PPM1E: variants seen among roughly 807,000 people sequenced by gnomAD.
PPM1E encodes the protein protein phosphatase, Mg2+/Mn2+ dependent 1E.
In PPM1E, 20 loss-of-function variants were observed where a neutral mutation model predicts 65.9. The observed-to-expected ratio is 0.30, with a 90% CI of 0.21 to 0.44. The LOEUF (loss-of-function observed/expected upper bound fraction) is 0.44, where lower values mean the gene tolerates loss of function less well. Ranked by LOEUF, PPM1E falls within the 20% of genes least tolerant of loss-of-function variation. The probability of loss-of-function intolerance (pLI) is 1.00; values close to 1 mark genes in which losing one functional copy is unlikely to be tolerated. For synonymous variants in PPM1E, 352 were observed against 374.9 expected (o/e 0.94, Z 0.70); for missense variants, 713 against 953.1 (o/e 0.75, Z 3.32).
chr17:58,817,113 T>A (rs1011407159), intron 1 of PPM1E, among the ~76,000 whole-genome samples: 3 of 152,086 alleles, frequency 2.0e-5, no homozygotes, highest in African/African-American at 7.2e-5. Context: ...CATTTTTAAA[T>A]TACTGAATAA....
intron 1 of PPM1E, among the ~76,000 whole-genome samples, chr17:58,813,278 T>C (rs1156455349): frequency 1.3e-5 from 2 of 152,216 alleles, no homozygotes; most frequent in African/African-American, 4.8e-5. Flanking sequence ...CCTTGTACAA[T>C]GGGATCTTTT....
intron 1 of PPM1E, among the ~76,000 whole-genome samples, chr17:58,943,799 CT>C (rs1157711195): frequency 6.6e-6 from 1 of 152,126 alleles, no homozygotes; most frequent in Non-Finnish European, 1.5e-5. Flanking sequence ...TGAATCTTGC[CT>C]CATACTTCAT....
At chr17:58,779,182 T>TA (rs1406542463) in intron 1 of PPM1E, among the ~76,000 whole-genome samples, 1 of 150,010 alleles carries the variant, frequency 6.7e-6, no homozygotes, top group Admixed American at 6.6e-5. Flanking sequence ...CTGATTTTTT[T>TA]TTTTTTTTTT....
At chr17:58,978,938 G>A (rs1313977083) in intron 6 of PPM1E, among the ~76,000 whole-genome samples, 2 of 151,988 alleles carry the variant, frequency 1.3e-5, no homozygotes, top group Non-Finnish European at 1.5e-5. Context: ...CTGCAGTCTC[G>A]CTCCTACCCC....
intron 1 of PPM1E, among the ~76,000 whole-genome samples, chr17:58,922,402 G>A (rs1400129108): frequency 1.3e-5 from 2 of 151,614 alleles, no homozygotes; most frequent in Non-Finnish European, 2.9e-5. Flanking sequence ...ACAGGTGTGT[G>A]CCACCACATC....
At chr17:58,781,214 C>T (rs2050046808) in intron 1 of PPM1E, among the ~76,000 whole-genome samples, 2 of 147,714 alleles carry the variant, frequency 1.4e-5, no homozygotes, top group East Asian at 2.0e-4. Context: ...GATCTCAGCT[C>T]ACTGCAACCT....
chr17:58,798,230 G>GTTTTTTTT (rs980535079), intron 1 of PPM1E, among the ~76,000 whole-genome samples: 5 of 130,042 alleles, frequency 3.8e-5, no homozygotes, highest in South Asian at 4.9e-4. Context: ...TTTTTTGTTT[G>GTTTTTTTT]TTTTTTTTTT....
At chr17:58,831,041 A>G (rs572628773) in intron 1 of PPM1E, among the ~76,000 whole-genome samples, 1 of 129,166 alleles carries the variant, frequency 7.7e-6, no homozygotes, top group African/African-American at 3.0e-5. Flanking sequence ...ATGGAGTCTC[A>G]CTCTAATCAC....
chr17:58,974,273 A>G (rs550461381), intron 6 of PPM1E, among the ~76,000 whole-genome samples: 2 of 152,334 alleles, frequency 1.3e-5, no homozygotes, highest in East Asian at 3.9e-4. Flanking sequence ...GAATTTTAAA[A>G]TGACATAAAT....
At chr17:58,867,552 G>A (rs2051019417) in intron 1 of PPM1E, among the ~76,000 whole-genome samples, 1 of 152,114 alleles carries the variant, frequency 6.6e-6, no homozygotes, top group Admixed American at 6.5e-5. Context: ...AGGTTTTGAT[G>A]GATCTATCTG....
intron 1 of PPM1E, among the ~76,000 whole-genome samples, chr17:58,766,595 A>G (rs1220949925): frequency 7.7e-6 from 1 of 129,614 alleles, no homozygotes. Flanking sequence ...ATTGTACTAT[A>G]TGTGTGTGTA....
intron 1 of PPM1E, among the ~76,000 whole-genome samples, chr17:58,777,732 G>T (rs927821817): frequency 2.6e-5 from 4 of 152,092 alleles, no homozygotes; most frequent in African/African-American, 4.8e-5. Flanking sequence ...ACTACACAAA[G>T]AATTTAATTC....
At chr17:58,971,441 T>C (rs1428459016) in intron 4 of PPM1E, among the ~76,000 whole-genome samples, 3 of 152,206 alleles carry the variant, frequency 2.0e-5, no homozygotes, top group Non-Finnish European at 2.9e-5. Context: ...CATTTTCGTA[T>C]AGTAGGACCA....
intron 1 of PPM1E, among the ~76,000 whole-genome samples, chr17:58,922,280 T>G (rs997557663): frequency 1.3e-5 from 2 of 152,050 alleles, no homozygotes; most frequent in African/African-American, 4.8e-5. Flanking sequence ...AGTTTTACTT[T>G]GGTCACATTC....
chr17:58,805,985 CA>C (rs1217000216), intron 1 of PPM1E, among the ~76,000 whole-genome samples: 6 of 77,478 alleles, frequency 7.7e-5, no homozygotes, highest in African/African-American at 1.8e-4. Context: ...AAAAAAAAAA[CA>C]AAACAAAACA....
At chr17:58,875,279 G>C (rs2051116146) in intron 1 of PPM1E, among the ~76,000 whole-genome samples, 1 of 152,270 alleles carries the variant, frequency 6.6e-6, no homozygotes, top group Non-Finnish European at 1.5e-5. Flanking sequence ...GTCTCTCAAG[G>C]AAGGAAGAAG....
intron 1 of PPM1E, among the ~76,000 whole-genome samples, chr17:58,786,062 TG>T (rs1051622353): frequency 6.6e-6 from 1 of 150,848 alleles, no homozygotes; most frequent in African/African-American, 2.4e-5. Flanking sequence ...TCGCCCAGGC[TG>T]GAGTACAGTG....
At chr17:58,801,308 A>G (rs182887855) in intron 1 of PPM1E, among the ~76,000 whole-genome samples, 4 of 152,282 alleles carry the variant, frequency 2.6e-5, no homozygotes, top group East Asian at 1.9e-4. Flanking sequence ...TATGCTTCAC[A>G]TAGTTTGAAA....
chr17:58,836,913 G>T (rs1380796982), intron 1 of PPM1E, among the ~76,000 whole-genome samples: 2 of 149,572 alleles, frequency 1.3e-5, no homozygotes, highest in African/African-American at 2.5e-5. Flanking sequence ...CCAGCTACAC[G>T]GGAGGCTGAG....
Sources: allele counts gnomAD v4.1 joint callset (sites outside exome capture counted in the v4.1 genomes callset), GRCh38; gene constraint gnomAD v4.1.1; transcripts MANE v1.5; gene names NCBI Gene and HGNC (gene_info 2026-07-23, HGNC 2026-07-21).